The following ZDBF2 variants were observed in gnomAD, a reference collection of about 807,000 sequenced individuals.
The protein encoded by ZDBF2 is DBF4-type zinc finger-containing protein 2.
A neutral mutation model predicts 9.4 loss-of-function variants in ZDBF2; 6 were observed. The observed-to-expected ratio is 0.64, with a 90% CI of 0.35 to 1.27. The LOEUF is 1.27. ZDBF2 is among the 50% of genes most tolerant of loss of function. The pLI, the probability that ZDBF2 is intolerant of heterozygous loss-of-function variation, is 0.03. For missense variants in ZDBF2, 2,697 were observed against 2,766.8 expected, an observed-to-expected ratio of 0.97 and a Z score of 0.57; for synonymous variants, 905 against 946.3, an observed-to-expected ratio of 0.96 and a Z score of 0.80.
At position 206,311,317 on chromosome 2, in the gene ZDBF2, G is replaced by A. The variant is rs1224984142; in HGVS notation, c.6789G>A (p.Lys2263=). 6.2e-7 allele frequency: 1 copy of A among 1,605,150 alleles called. No individual in the cohort carries two copies. The highest frequency in any genetic ancestry group is 1.7e-5 in the Admixed American group (1 of 58,442). The change falls in exon 5 of 5, where the codon AAG becomes AAA. Residue 2263 remains lysine (K), a synonymous_variant. Transcript: ENST00000374423. ...TTGTCAGTAGGCTAAAGAAGGCGAAGAGAACAGCTAAAGTGCTTTTGAACT... is the reference window on the plus strand; with the variant it reads ...TTGTCAGTAGGCTAAAGAAGGCGAAAAGAACAGCTAAAGTGCTTTTGAACT... ...KSVVSRLKKA[K]RTAKVLLNSS...
At chr2:206,293,066 T>C (rs768267737) in intron 3 of ZDBF2, among the ~76,000 whole-genome samples, 2 of 152,272 alleles carry the variant, frequency 1.3e-5, no homozygotes, top group African/African-American at 4.8e-5. Context: ...CTAAAACTTA[T>C]GAAACTTTAG....
intron 3 of ZDBF2, among the ~76,000 whole-genome samples, chr2:206,294,756 C>G (rs1312419545): frequency 6.6e-6 from 1 of 152,168 alleles, no homozygotes; most frequent in African/African-American, 2.4e-5. Flanking sequence ...ATTTGGTTTT[C>G]TGTTCCTGTG....
chr2:206,311,354 C>G lies in ZDBF2; in HGVS notation c.6826C>G (p.Pro2276Ala). ...AKVLLNSSVP[P>A]AGAEELSSAM... ...AGTGCTTTTGAACTCTTCAGTTCCA[C>G]CAGCTGGTGCCGAAGAGCTGTCAAG... Residue 2276 changes from proline (P) to alanine (A), a missense_variant, in exon 5 of 5, where the codon CCA becomes GCA. Pro to Ala is a conservative substitution (Grantham distance 27). This residue lies in a region of ZDBF2 where 1,783 missense variants were observed against 1,776.5 expected (regional missense o/e 1.00). Coordinates refer to ENST00000374423, the MANE Select transcript of ZDBF2 (RefSeq NM_020923.3). 1 of 1,605,094 alleles carries G rather than the reference C, an allele frequency of 6.2e-7. No homozygotes were observed. Among genetic ancestry groups the G allele is most frequent in the Non-Finnish European group, 8.5e-7 (1 of 1,175,292 alleles).
Position 206,309,260 on chromosome 2 carries a change from T to C in ZDBF2, c.4732T>C (p.Phe1578Leu), listed in dbSNP as rs756778415. ...IDIEDKSCDF[F>L]GSEVRCNCKA... Reference sequence around the variant, plus strand: ...TATAGAAGATAAGAGCTGTGACTTTTTTGGTTCTGAAGTCAGATGTAATTG... The same window carrying C: ...TATAGAAGATAAGAGCTGTGACTTTCTTGGTTCTGAAGTCAGATGTAATTG... The change falls in exon 5 of 5, where the codon TTT (phenylalanine) becomes CTT (leucine). Residue 1578 changes from phenylalanine to leucine, a missense_variant. Physicochemically the swap from Phe to Leu is conservative, Grantham distance 22. Around this residue, in one of 3 missense-constraint regions of ZDBF2, gnomAD observed 1,783 missense variants for 1,776.5 expected, o/e 1.00. Transcript: ENST00000374423. 7 of 1,610,402 alleles carry C rather than the reference T, an allele frequency of 4.3e-6. No individual in the cohort carries two copies. The Admixed American group carries it at 1.2e-4, about 27-fold the overall frequency.
rs1690880092 is a variant in ZDBF2 at position 206,274,689 on chromosome 2, C to T, written c.-360C>T. The T allele has an allele frequency of 1.3e-5, 2 of 152,244 alleles. No homozygotes were observed. The highest frequency in any genetic ancestry group is 1.3e-4 in the Admixed American group (2 of 15,288). The allele number at this position is 152,244 out of a possible 1,614,324, so 9.4% of individuals were successfully genotyped here. On this transcript the variant is annotated 5_prime_UTR_variant, in exon 1 of 5. In the 5' UTR this introduces an upstream ATG that the reference lacks. Coordinates refer to ENST00000374423, the MANE Select transcript of ZDBF2 (RefSeq NM_020923.3). ...AACCTCCATCAGGGTTGCAACGCCA[C>T]GTTGCCTTGGATGCCTGCGTGAGTG...
Position 206,309,102 on chromosome 2 carries a change from T to G in ZDBF2, c.4574T>G (p.Val1525Gly), listed in dbSNP as rs1692992933. Reference sequence around the variant, plus strand: ...GTCAAAGAAACCCACCTTCCAAAGGTGGTACTTGTGGATCTGGTGCCCGGT... The same window carrying G: ...GTCAAAGAAACCCACCTTCCAAAGGGGGTACTTGTGGATCTGGTGCCCGGT... The part of the protein sequence containing the change: ...GSVKETHLPK[V>G]VLVDLVPGDS... Residue 1525 changes from valine (V) to glycine (G), a missense_variant, in exon 5 of 5, where the codon GTG (valine) becomes GGG (glycine). By Grantham distance (109) the Val-to-Gly change is moderately radical (BLOSUM62 -3). Around this residue, in one of 3 missense-constraint regions of ZDBF2, gnomAD observed 1,783 missense variants for 1,776.5 expected, o/e 1.00. Coordinates refer to ENST00000374423, the MANE Select transcript of ZDBF2 (RefSeq NM_020923.3). 1.2e-6 allele frequency: 2 copies of G among 1,613,896 alleles called. No individual in the cohort carries two copies. The highest frequency in any genetic ancestry group is 1.7e-6 in the Non-Finnish European group (2 of 1,179,870).
At chr2:206,276,255 G>T (rs1690995937) in intron 1 of ZDBF2, among the ~76,000 whole-genome samples, 1 of 152,004 alleles carries the variant, frequency 6.6e-6, no homozygotes, top group Non-Finnish European at 1.5e-5. Context: ...AAGTAAGATC[G>T]CATAGAAAAT....
chr2:206,288,448 T>C (rs906897537), intron 3 of ZDBF2, among the ~76,000 whole-genome samples: 1 of 152,190 alleles, frequency 6.6e-6, no homozygotes, highest in Non-Finnish European at 1.5e-5. Flanking sequence ...GATCCACCTG[T>C]TCTTGTTTTC....
At position 206,307,849 on chromosome 2, in the gene ZDBF2, G is replaced by T; in HGVS notation, c.3321G>T (p.Lys1107Asn). ...AAGAGGTTATTGGCCTGAAAAATAAGATTAATGAACCTAGTACTTATAAAT... is the reference window on the plus strand; with the variant it reads ...AAGAGGTTATTGGCCTGAAAAATAATATTAATGAACCTAGTACTTATAAAT... ...WKEEVIGLKN[K>N]INEPSTYKLI... Residue 1107 changes from lysine to asparagine, a missense_variant, in exon 5 of 5, where the codon AAG (lysine) becomes AAT (asparagine). Lys to Asn is a moderately conservative substitution (Grantham distance 94). This residue lies in a region of ZDBF2 where 1,783 missense variants were observed against 1,776.5 expected (regional missense o/e 1.00). Coordinates refer to ENST00000374423, the MANE Select transcript of ZDBF2 (RefSeq NM_020923.3). The T allele has an allele frequency of 6.2e-7, 1 of 1,612,502 alleles. No homozygotes were observed. Among genetic ancestry groups the T allele is most frequent in the Non-Finnish European group, 8.5e-7 (1 of 1,179,530 alleles).
intron 3 of ZDBF2, among the ~76,000 whole-genome samples, 198 bp from the exon 4 acceptor site, chr2:206,297,048 G>A (rs989869075): frequency 2.0e-5 from 3 of 152,010 alleles, no homozygotes; most frequent in African/African-American, 7.2e-5. Context: ...ATTTCCTTAG[G>A]CTGTACTTAG....
intron 4 of ZDBF2, among the ~76,000 whole-genome samples, chr2:206,298,308 G>T (rs924172356): frequency 1.3e-5 from 2 of 152,118 alleles, no homozygotes; most frequent in African/African-American, 4.8e-5. Flanking sequence ...GGTAAAAATC[G>T]ATCATTAGCA....
At position 206,303,530 on chromosome 2, in the gene ZDBF2, GT is replaced by G. The variant is rs1330907335; in HGVS notation, c.189-1185del. Reference sequence around the variant, plus strand: ...TCCCTGAAATGCTTTGGTCAAACATGTTGTCTTGATACTGGTAGAAGAGATT... The same window carrying G: ...TCCCTGAAATGCTTTGGTCAAACATGTGTCTTGATACTGGTAGAAGAGATT... On this transcript the variant is annotated intron_variant, in intron 4 of 4. Coordinates refer to ENST00000374423, the MANE Select transcript of ZDBF2 (RefSeq NM_020923.3). Among the ~76,000 whole-genome samples, 10 of 152,260 alleles carry G rather than the reference GT, an allele frequency of 6.6e-5. No homozygotes were observed. In the East Asian group the frequency reaches 1.2e-3, roughly 18 times the overall value.
At chr2:206,291,498 C>T (rs779365404) in intron 3 of ZDBF2, among the ~76,000 whole-genome samples, 16 of 152,128 alleles carry the variant, frequency 1.1e-4, no homozygotes, top group East Asian at 7.7e-4. Context: ...CAGAGGGAGA[C>T]GGCGATTTCT....
At chr2:206,299,749 C>G (rs189471283) in intron 4 of ZDBF2, among the ~76,000 whole-genome samples, 227 of 152,072 alleles carry the variant, frequency 1.5e-3, no homozygotes, top group Non-Finnish European at 2.6e-3. Context: ...ACCTCCCCCC[C>G]GCCCGTGAAT....
chr2:206,309,683 G>A lies in ZDBF2; in HGVS notation c.5155G>A (p.Ala1719Thr). Residue 1719 changes from alanine to threonine, a missense_variant, in exon 5 of 5, where the codon GCG becomes ACG. Transcript: ENST00000374423. ...AVDFGASSKS[A>T]LHRRADKKKR... ...GGATTTTGGTGCCTCTTCCAAGTCA[G>A]CGCTCCATCGAAGGGCTGATAAAAA... is the stretch of plus-strand genomic sequence containing the variant. 5.0e-6 allele frequency: 8 copies of A among 1,613,842 alleles called. No individual in the cohort carries two copies. The highest frequency in any genetic ancestry group is 6.8e-6 in the Non-Finnish European group (8 of 1,179,868).
chr2:206,278,042 A>G (rs747450042), intron 1 of ZDBF2, among the ~76,000 whole-genome samples: 1 of 152,092 alleles, frequency 6.6e-6, no homozygotes, highest in Non-Finnish European at 1.5e-5. Context: ...GGTGCTCATT[A>G]TATGTGGTTC....
At chr2:206,303,230 T>G (rs1336024182) in intron 4 of ZDBF2, among the ~76,000 whole-genome samples, 2 of 151,858 alleles carry the variant, frequency 1.3e-5, no homozygotes, top group African/African-American at 4.8e-5. Flanking sequence ...TTTAATCTTT[T>G]TTTTTTTTTT....
At chr2:206,276,135 TAAA>T (rs1001128384) in intron 1 of ZDBF2, among the ~76,000 whole-genome samples, 4 of 152,168 alleles carry the variant, frequency 2.6e-5, no homozygotes, top group Non-Finnish European at 5.9e-5. Context: ...TAAGATCGCA[TAAA>T]AAAATCAGAA....
In ZDBF2 at chr2:206,311,662, C is replaced by T. The variant is rs774757718; in HGVS notation, c.*69C>T. On this transcript the variant is annotated 3_prime_UTR_variant, in exon 5 of 5. Coordinates refer to ENST00000374423, the MANE Select transcript of ZDBF2 (RefSeq NM_020923.3). ...GTTGAAATATATTTGGTACTTTGTG[C>T]ACACAGCTTTCCCAGCTTTGGTGAG... 4 of 1,330,778 alleles carry T rather than the reference C, an allele frequency of 3.0e-6. No homozygotes were observed. The highest frequency in any genetic ancestry group is 3.9e-6 in the Non-Finnish European group (4 of 1,028,630). The allele number at this position is 1,330,778 out of a possible 1,614,324, so 82.4% of individuals were successfully genotyped here.
Sources: gnomAD v4.1 joint callset for allele counts (sites outside exome capture counted in the v4.1 genomes callset) on GRCh38, gnomAD v4.1.1 for gene constraint, gnomAD v4.1.1 regional missense constraint, MANE v1.5 for transcripts, NCBI Gene and HGNC (gene_info 2026-07-23, HGNC 2026-07-21) for gene names.